The following TDRD10 variants were observed in gnomAD, a reference collection of about 807,000 sequenced individuals.
TDRD10 encodes tudor domain-containing protein 10.
A neutral mutation model predicts 48.0 loss-of-function variants in TDRD10; 40 were observed. The ratio of observed to expected loss-of-function variants is 0.83; its 90% CI spans 0.65 to 1.09. TDRD10 has a LOEUF of 1.09. Ranked by LOEUF, TDRD10 falls within the 50% of genes least tolerant of loss-of-function variation. The pLI, the probability that TDRD10 is intolerant of heterozygous loss-of-function variation, is 0.00. For synonymous variants in TDRD10, 162 were observed against 170.4 expected (o/e 0.95, Z 0.38); for missense variants, 378 against 434.7 (o/e 0.87, Z 1.16).
chr1:154,526,723 G>A (rs1376128154), intron 6 of TDRD10, among the ~76,000 whole-genome samples: 2 of 151,994 alleles, frequency 1.3e-5, no homozygotes, highest in African/African-American at 4.8e-5. Context: ...AAAGTGCTGG[G>A]ATTACAGGTG....
In TDRD10 at chr1:154,521,573, C is replaced by A. The variant is rs1361560368; in HGVS notation, c.369+94C>A. On this transcript the variant is annotated intron_variant, in intron 6 of 12. Coordinates refer to ENST00000368482, the MANE Select transcript of TDRD10 (RefSeq NM_182499.4). Reference sequence around the variant, plus strand: ...TTCAGTGCTTTCATCCTCCTCCAGTCCAGTCTGACTGTGGAGAAGAAGGCA... The same window carrying A: ...TTCAGTGCTTTCATCCTCCTCCAGTACAGTCTGACTGTGGAGAAGAAGGCA... 3.6e-6 allele frequency: 5 copies of A among 1,404,682 alleles called. No individual in the cohort carries two copies. In the African/African-American group the frequency reaches 4.3e-5, roughly 12 times the overall value. 87.0% of individuals were successfully genotyped at this position (1,404,682 alleles called of 1,614,324 possible). A position where few individuals can be genotyped will look rare whatever the true frequency, so the allele number is the denominator to read the frequency against.
intron 6 of TDRD10, among the ~76,000 whole-genome samples, chr1:154,538,636 G>A (rs1400776488): frequency 6.6e-6 from 1 of 150,714 alleles, no homozygotes; most frequent in Non-Finnish European, 1.5e-5. Flanking sequence ...GGCGGATCAT[G>A]AGGTCAGGAG....
Position 154,544,954 on chromosome 1 carries a change from G to C in TDRD10, c.952+5G>C, listed in dbSNP as rs776117309. ...AGCCATTCATGCTGGAGAAAGGTGA[G>C]ACATCTTCTATCTTCCTCCCAAGGG... is the stretch of plus-strand genomic sequence containing the variant. On this transcript the variant is annotated splice_donor_5th_base_variant and intron_variant, in intron 11 of 12. Coordinates refer to ENST00000368482, the MANE Select transcript of TDRD10 (RefSeq NM_182499.4). 1.2e-6 allele frequency: 2 copies of C among 1,613,782 alleles called. No homozygotes were observed. The highest frequency in any genetic ancestry group is 3.3e-5 in the Admixed American group (2 of 59,990).
intron 3 of TDRD10, 44 bp downstream of exon 3, chr1:154,507,364 T>G: frequency 6.2e-7 from 1 of 1,604,344 alleles, no homozygotes; most frequent in Non-Finnish European, 8.5e-7. Flanking sequence ...ACTCTCATCC[T>G]ACAACTTGGA....
chr1:154,511,890 G>A (rs1335320531), intron 4 of TDRD10, among the ~76,000 whole-genome samples: 2 of 151,850 alleles, frequency 1.3e-5, no homozygotes, highest in African/African-American at 2.4e-5. Flanking sequence ...TTAGCCAGGC[G>A]TGGTGGCACA....
At chr1:154,509,366 G>C (rs1693319247) in intron 4 of TDRD10, among the ~76,000 whole-genome samples, 1 of 151,982 alleles carries the variant, frequency 6.6e-6, no homozygotes, top group Non-Finnish European at 1.5e-5. Flanking sequence ...TTAACTGTCA[G>C]GCATGCTCTA....
In TDRD10 at chr1:154,525,766, G is replaced by A. The variant is rs1166635905; in HGVS notation, c.369+4287G>A. Among the ~76,000 whole-genome samples the A allele has an allele frequency of 2.0e-5, 3 of 151,536 alleles. No individual in the cohort carries two copies. In the East Asian group the frequency reaches 5.8e-4, roughly 29 times the overall value. ...AAAAATTAGCTGGGCATGGTGGTGGGTGCCTGTAATCCCAGCTACTTGGGA... is the reference window on the plus strand; with the variant it reads ...AAAAATTAGCTGGGCATGGTGGTGGATGCCTGTAATCCCAGCTACTTGGGA... On this transcript the variant is annotated intron_variant, in intron 6 of 12. Transcript: ENST00000368482.
chr1:154,517,408 C>A (rs1693826802), intron 4 of TDRD10, among the ~76,000 whole-genome samples: 1 of 150,832 alleles, frequency 6.6e-6, no homozygotes. Context: ...TATGAAATAG[C>A]TGATATTAGA....
At chr1:154,528,850 C>T (rs1474063801) in intron 6 of TDRD10, among the ~76,000 whole-genome samples, 1 of 151,972 alleles carries the variant, frequency 6.6e-6, no homozygotes, top group Non-Finnish European at 1.5e-5. Context: ...AATAGAATTC[C>T]ATTTTTATTT....
At chr1:154,534,144 A>G (rs1694800403) in intron 6 of TDRD10, among the ~76,000 whole-genome samples, 1 of 152,224 alleles carries the variant, frequency 6.6e-6, no homozygotes, top group African/African-American at 2.4e-5. Flanking sequence ...ATTTGTTTAC[A>G]GATTGCCTGT....
In TDRD10 at chr1:154,544,737, G is replaced by A; in HGVS notation, c.798-58G>A. ...TTTCACATCCACTTTGTTGAGGACT[G>A]CTGTGCATGGCACTAGGCGGAATGA... On this transcript the variant is annotated intron_variant, in intron 10 of 12. Transcript: ENST00000368482. 6 of 1,585,896 alleles carry A rather than the reference G, an allele frequency of 3.8e-6. No homozygotes were observed. In the South Asian group the frequency reaches 4.7e-5, roughly 12 times the overall value.
At chr1:154,505,391 G>T (rs1341619615) in intron 1 of TDRD10, among the ~76,000 whole-genome samples, 1 of 152,156 alleles carries the variant, frequency 6.6e-6, no homozygotes, top group Non-Finnish European at 1.5e-5. Context: ...AGATTACCAG[G>T]AACTGGGACT....
At chr1:154,539,977 G>A (rs1695131861) in intron 6 of TDRD10, among the ~76,000 whole-genome samples, 1 of 152,206 alleles carries the variant, frequency 6.6e-6, no homozygotes, top group African/African-American at 2.4e-5. Flanking sequence ...TATGAGCCTG[G>A]TGGGTGAAGG....
In TDRD10 at chr1:154,544,873, G is replaced by A; in HGVS notation, c.876G>A (p.Val292=). The change falls in exon 11 of 13, where the codon GTG becomes GTA. Residue 292 remains valine (V), a synonymous_variant. Coordinates refer to ENST00000368482, the MANE Select transcript of TDRD10 (RefSeq NM_182499.4). The part of the protein sequence containing the change: ...IDFGQLATIP[V]QSLRSLDSDD... The stretch of plus-strand genomic sequence containing the variant: ...TTGGACAGTTGGCCACCATCCCTGT[G>A]CAGTCTCTGCGCAGCCTAGACAGCG... The A allele has an allele frequency of 6.2e-7, 1 of 1,614,186 alleles. No homozygotes were observed. Among genetic ancestry groups the A allele is most frequent in the Non-Finnish European group, 8.5e-7 (1 of 1,180,040 alleles).
chr1:154,526,057 T>C (rs1022194771), intron 6 of TDRD10, among the ~76,000 whole-genome samples: 1 of 150,818 alleles, frequency 6.6e-6, no homozygotes, highest in African/African-American at 2.5e-5. Context: ...ATACAAAAAT[T>C]AGCCAGGCGT....
chr1:154,510,901 C>T (rs955204040), intron 4 of TDRD10, among the ~76,000 whole-genome samples: 2 of 148,850 alleles, frequency 1.3e-5, no homozygotes, highest in Admixed American at 6.7e-5. Context: ...AAAAAATTAG[C>T]GGGGCATGGT....
intron 6 of TDRD10, among the ~76,000 whole-genome samples, chr1:154,534,045 A>G (rs932033190): frequency 6.6e-6 from 1 of 151,804 alleles, no homozygotes; most frequent in East Asian, 1.9e-4. Flanking sequence ...TTTAAATGGG[A>G]AAAAAAATGA....
intron 1 of TDRD10, among the ~76,000 whole-genome samples, chr1:154,506,536 C>T (rs888938896): frequency 1.3e-5 from 2 of 152,090 alleles, no homozygotes; most frequent in Non-Finnish European, 2.9e-5. Context: ...TCACCACACC[C>T]AGCTAATTTT....
At chr1:154,508,529 A>G in intron 4 of TDRD10, 48 bp downstream of exon 4, 3 of 1,256,548 alleles carry the variant, frequency 2.4e-6, no homozygotes, top group South Asian at 1.2e-5. Flanking sequence ...GCCTTCCCAT[A>G]TGACTTAGTA....
Sources: gnomAD v4.1 joint callset for allele counts (sites outside exome capture counted in the v4.1 genomes callset) on GRCh38, gnomAD v4.1.1 for gene constraint, MANE v1.5 for transcripts, NCBI Gene and HGNC (gene_info 2026-07-23, HGNC 2026-07-21) for gene names.